The following QTMAN variants were observed in gnomAD, a reference collection of about 807,000 sequenced individuals.
The protein encoded by QTMAN is queuosine-tRNA mannosyltransferase.
chr2:144,176,676 G>T, the QTMAN span, among the ~76,000 whole-genome samples: 1 of 152,144 alleles, frequency 6.6e-6, no homozygotes, highest in Admixed American at 6.5e-5. Flanking sequence ...ATTTATGTAT[G>T]TATGTCAGCA....
the QTMAN span, among the ~76,000 whole-genome samples, chr2:144,098,232 A>G: frequency 6.6e-6 from 1 of 152,220 alleles, no homozygotes; most frequent in Non-Finnish European, 1.5e-5. Flanking sequence ...CTAGGTTTTC[A>G]AAAGTTTAGA....
the QTMAN span, among the ~76,000 whole-genome samples, chr2:144,257,591 C>T: frequency 6.6e-6 from 1 of 152,090 alleles, no homozygotes; most frequent in South Asian, 2.1e-4. Context: ...GAGACATGTC[C>T]CTCAAAGAAA....
At chr2:144,121,279 T>G in the QTMAN span, among the ~76,000 whole-genome samples, 1 of 152,142 alleles carries the variant, frequency 6.6e-6, no homozygotes, top group East Asian at 1.9e-4. Context: ...GCAGTTTATA[T>G]AGCATTTTCA....
chr2:144,182,833 ATATATAT>A, the QTMAN span, among the ~76,000 whole-genome samples: 2 of 68,156 alleles, frequency 2.9e-5, no homozygotes, highest in South Asian at 3.5e-4. Context: ...TATATAATAT[ATATATAT>A]TATATATATA....
the QTMAN span, among the ~76,000 whole-genome samples, chr2:143,994,198 G>T: frequency 6.6e-6 from 1 of 152,108 alleles, no homozygotes; most frequent in Admixed American, 6.5e-5. Context: ...GATTATGGTG[G>T]ATAATCAAGA....
chr2:144,015,706 A>G, the QTMAN span, among the ~76,000 whole-genome samples: 1 of 152,200 alleles, frequency 6.6e-6, no homozygotes, highest in East Asian at 1.9e-4. Flanking sequence ...GCCTGTGAAG[A>G]AGATTATTTT....
chr2:144,283,027 C>G, the QTMAN span, among the ~76,000 whole-genome samples: 1 of 152,210 alleles, frequency 6.6e-6, no homozygotes, highest in Non-Finnish European at 1.5e-5. Context: ...CCTTCCAGAC[C>G]TCACCCTACA....
chr2:144,006,948 T>C, the QTMAN span: 15 of 407,198 alleles, frequency 3.7e-5, no homozygotes, highest in Non-Finnish European at 5.7e-5. Flanking sequence ...CCACTACTGT[T>C]AGTTGAGCAA....
At chr2:144,196,325 A>C in the QTMAN span, among the ~76,000 whole-genome samples, 2 of 151,958 alleles carry the variant, frequency 1.3e-5, no homozygotes, top group African/African-American at 4.8e-5. Flanking sequence ...ATTTACGATA[A>C]AGGAAAAAAT....
At chr2:144,066,421 A>G in the QTMAN span, among the ~76,000 whole-genome samples, 1 of 152,262 alleles carries the variant, frequency 6.6e-6, no homozygotes, top group African/African-American at 2.4e-5. Flanking sequence ...TGTCAGCAAC[A>G]AAACATTACA....
the QTMAN span, among the ~76,000 whole-genome samples, chr2:144,044,305 T>C: frequency 2.0e-5 from 3 of 152,350 alleles, no homozygotes; most frequent in African/African-American, 4.8e-5. Context: ...GCAAGCATAC[T>C]TTTGTAGGAC....
chr2:144,331,025 T>C, the QTMAN span, among the ~76,000 whole-genome samples: 408 of 152,334 alleles, frequency 2.7e-3, 7 homozygotes, highest in Non-Finnish European at 1.8e-3. Context: ...TCCTACCTTA[T>C]TGCAAGTATC....
the QTMAN span, among the ~76,000 whole-genome samples, chr2:144,034,501 T>C: frequency 1.3e-5 from 2 of 152,226 alleles, no homozygotes; most frequent in African/African-American, 2.4e-5. Flanking sequence ...CGTTAGTGTC[T>C]TAGGCTTCAT....
chr2:144,285,149 T>C, the QTMAN span, among the ~76,000 whole-genome samples: 1 of 152,056 alleles, frequency 6.6e-6, no homozygotes, highest in East Asian at 1.9e-4. Flanking sequence ...GATTGGTAGC[T>C]GGTAAGATAT....
chr2:144,284,471 TATA>T, the QTMAN span, among the ~76,000 whole-genome samples: 14 of 152,156 alleles, frequency 9.2e-5, no homozygotes, highest in South Asian at 4.1e-4. Context: ...CATGGATGGC[TATA>T]ATATTAAAAA....
At chr2:144,309,177 C>T in the QTMAN span, among the ~76,000 whole-genome samples, 2 of 152,118 alleles carry the variant, frequency 1.3e-5, no homozygotes, top group Non-Finnish European at 2.9e-5. Flanking sequence ...GAGTATGATA[C>T]AATCACTGAA....
At chr2:144,225,251 C>A in the QTMAN span, among the ~76,000 whole-genome samples, 1 of 152,186 alleles carries the variant, frequency 6.6e-6, no homozygotes. Flanking sequence ...GGGCATCTGA[C>A]CCACCCCAGG....
chr2:144,289,852 T>TG, the QTMAN span, among the ~76,000 whole-genome samples: 2 of 152,070 alleles, frequency 1.3e-5, no homozygotes, highest in Non-Finnish European at 2.9e-5. Context: ...AGTAAAAGAA[T>TG]GGGAAAAAAA....
At chr2:143,952,870 G>A in the QTMAN span, 1 of 1,396,248 alleles carries the variant, frequency 7.2e-7, no homozygotes, top group Non-Finnish European at 1.0e-6. Flanking sequence ...AAGAGGGTAA[G>A]AATATATTAA....
Sources: allele counts gnomAD v4.1 joint callset (sites outside exome capture counted in the v4.1 genomes callset), GRCh38; gene constraint gnomAD v4.1.1; transcripts MANE v1.5; gene names NCBI Gene and HGNC (gene_info 2026-07-23, HGNC 2026-07-21).